Variants in RGL1 observed in about 807,000 individuals in gnomAD.
The protein encoded by RGL1 is ral guanine nucleotide dissociation stimulator like 1.
In RGL1, 24 loss-of-function variants were observed where a neutral mutation model predicts 95.2. The observed-to-expected ratio is 0.25, with a 90% CI of 0.18 to 0.35. The LOEUF is 0.35. RGL1 is among the 10% of genes least tolerant of loss of function. The pLI, the probability that RGL1 is intolerant of heterozygous loss-of-function variation, is 1.00. For synonymous variants in RGL1, 329 were observed against 344.9 expected (o/e 0.95, Z 0.51); for missense variants, 715 against 936.3 (o/e 0.76, Z 3.08).
At chr1:183,650,033 G>A (rs998888316) in intron 1 of RGL1, among the ~76,000 whole-genome samples, 1 of 151,788 alleles carries the variant, frequency 6.6e-6, no homozygotes, top group Non-Finnish European at 1.5e-5. Flanking sequence ...CACTGATCTC[G>A]AACTCCTGGG....
intron 4 of RGL1, among the ~76,000 whole-genome samples, chr1:183,870,143 G>A (rs1350612650): frequency 6.6e-6 from 1 of 152,228 alleles, no homozygotes; most frequent in Admixed American, 6.5e-5. Context: ...GTGCAGGCGG[G>A]CTGAGACCTA....
chr1:183,696,496 T>G (rs1374575870), intron 1 of RGL1, among the ~76,000 whole-genome samples: 1 of 152,166 alleles, frequency 6.6e-6, no homozygotes, highest in African/African-American at 2.4e-5. Flanking sequence ...TCACATAACC[T>G]CAGTTGACAA....
intron 2 of RGL1, among the ~76,000 whole-genome samples, chr1:183,830,684 G>A (rs201226004): frequency 2.7e-5 from 4 of 150,444 alleles, no homozygotes; most frequent in African/African-American, 4.9e-5. Context: ...GAATTCTGGA[G>A]AAAAAAAAAC....
chr1:183,855,143 C>T (rs755210956), intron 3 of RGL1, among the ~76,000 whole-genome samples: 5 of 152,108 alleles, frequency 3.3e-5, no homozygotes, highest in African/African-American at 4.8e-5. Context: ...CTTTTCCAAG[C>T]AGGTGTTTTG....
At chr1:183,698,279 C>T (rs1405713026) in intron 1 of RGL1, among the ~76,000 whole-genome samples, 1 of 152,242 alleles carries the variant, frequency 6.6e-6, no homozygotes, top group East Asian at 1.9e-4. Context: ...CCTTTTCTCT[C>T]TGGTCTAGGA....
intron 1 of RGL1, among the ~76,000 whole-genome samples, chr1:183,678,546 A>AAC (rs2102070144): frequency 6.6e-6 from 1 of 151,662 alleles, no homozygotes; most frequent in African/African-American, 2.4e-5. Flanking sequence ...TTTCTCTCTC[A>AAC]CTTGTGTTTT....
intron 12 of RGL1, 29 bp downstream of exon 12, chr1:183,902,629 TTGTC>T (rs766584356): frequency 4.9e-5 from 78 of 1,605,176 alleles, no homozygotes; most frequent in Non-Finnish European, 4.9e-5. Context: ...TGTGTTTCCT[TTGTC>T]TGAGCATGAA....
At chr1:183,730,143 G>C (rs1656544676) in intron 1 of RGL1, among the ~76,000 whole-genome samples, 1 of 152,150 alleles carries the variant, frequency 6.6e-6, no homozygotes, top group South Asian at 2.1e-4. Flanking sequence ...GTATGTAGTA[G>C]TTGCTGTTTT....
At chr1:183,772,032 G>T (rs758022397) in intron 2 of RGL1, among the ~76,000 whole-genome samples, 23 of 152,246 alleles carry the variant, frequency 1.5e-4, no homozygotes, top group Non-Finnish European at 3.2e-4. Flanking sequence ...GCAGTCGGAG[G>T]AGAGCGCCCG....
intron 4 of RGL1, among the ~76,000 whole-genome samples, chr1:183,872,552 G>A (rs982685713): frequency 2.0e-5 from 3 of 152,136 alleles, no homozygotes; most frequent in Admixed American, 6.6e-5. Context: ...CAGAAGATAC[G>A]TATATTGTTC....
chr1:183,806,780 C>A (rs1360604869), intron 2 of RGL1, among the ~76,000 whole-genome samples: 1 of 151,458 alleles, frequency 6.6e-6, no homozygotes, highest in African/African-American at 2.4e-5. Flanking sequence ...GAATACAGGC[C>A]CAGAGAGCAG....
intron 2 of RGL1, among the ~76,000 whole-genome samples, chr1:183,837,744 C>T (rs941246304): frequency 1.8e-4 from 28 of 152,170 alleles, no homozygotes; most frequent in Non-Finnish European, 2.5e-4. Context: ...GCACCAGGGA[C>T]TGGTTTTGTG....
At chr1:183,807,851 TAGCAGACCTGATAGGGAA>T (rs545816201) in intron 2 of RGL1, among the ~76,000 whole-genome samples, 32 of 152,342 alleles carry the variant, frequency 2.1e-4, no homozygotes, top group African/African-American at 6.7e-4. Flanking sequence ...TGTATATCAC[TAGCAGACCTGATAGGGAA>T]AGCAGAACTA....
chr1:183,694,029 T>G (rs901736142), intron 1 of RGL1, among the ~76,000 whole-genome samples: 1 of 152,254 alleles, frequency 6.6e-6, no homozygotes, highest in Non-Finnish European at 1.5e-5. Flanking sequence ...TGGCACAACA[T>G]GGCCTGTTTT....
At chr1:183,768,098 T>C (rs1659076873) in intron 2 of RGL1, among the ~76,000 whole-genome samples, 1 of 152,136 alleles carries the variant, frequency 6.6e-6, no homozygotes, top group South Asian at 2.1e-4. Flanking sequence ...AATATTTTAC[T>C]GTCTAAACTT....
intron 2 of RGL1, among the ~76,000 whole-genome samples, chr1:183,796,290 G>A (rs950373686): frequency 4.0e-5 from 6 of 150,894 alleles, no homozygotes; most frequent in Admixed American, 3.3e-4. Context: ...CCAGCTTCCC[G>A]AGTAGCTGGG....
chr1:183,718,468 TG>T (rs2102196912), intron 1 of RGL1, among the ~76,000 whole-genome samples: 1 of 152,212 alleles, frequency 6.6e-6, no homozygotes, highest in East Asian at 1.9e-4. Flanking sequence ...AATGAACAAG[TG>T]GTAAATAGTT....
intron 3 of RGL1, among the ~76,000 whole-genome samples, chr1:183,862,501 T>C (rs1188973884): frequency 6.6e-6 from 1 of 152,282 alleles, no homozygotes; most frequent in Non-Finnish European, 1.5e-5. Context: ...GTGTATACTT[T>C]TGTTTTGCAT....
chr1:183,710,133 C>CTTCT (rs1301889725), intron 1 of RGL1: 2 of 204,864 alleles, frequency 9.8e-6, no homozygotes, highest in East Asian at 3.1e-4. Flanking sequence ...CATGGTCACC[C>CTTCT]TTCTCAATGC....
Sources: gnomAD v4.1 joint callset for allele counts (sites outside exome capture counted in the v4.1 genomes callset) on GRCh38, gnomAD v4.1.1 for gene constraint, MANE v1.5 for transcripts, NCBI Gene and HGNC (gene_info 2026-07-23, HGNC 2026-07-21) for gene names.